Variants in CNTNAP2 observed in about 807,000 individuals in gnomAD.
CNTNAP2 encodes the protein contactin associated protein 2, also known as contactin-associated protein-like 2.
Under a neutral mutation model 155.2 loss-of-function variants are expected in CNTNAP2, and 98 were observed. That is an observed-to-expected ratio of 0.63 (90% CI 0.54 to 0.75). The LOEUF (loss-of-function observed/expected upper bound fraction) is 0.75, where lower values mean the gene tolerates loss of function less well. Ranked by LOEUF, CNTNAP2 falls within the 30% of genes least tolerant of loss-of-function variation. CNTNAP2 has a pLI of 0.00. For missense variants in CNTNAP2, 1,727 were observed against 1,688.1 expected (o/e 1.02, Z -0.40); for synonymous variants, 651 against 631.2 (o/e 1.03, Z -0.47).
At chr7:146,210,193 G>A (rs955108) in intron 1 of CNTNAP2, among the ~76,000 whole-genome samples, 44,172 of 151,838 alleles carry the variant, frequency 0.29, 7,271 homozygotes, top group African/African-American at 0.45. Flanking sequence ...AAGGTGCCCT[G>A]AAATTTGCTC....
At chr7:146,183,158 C>T (rs1404920950) in intron 1 of CNTNAP2, among the ~76,000 whole-genome samples, 3 of 152,038 alleles carry the variant, frequency 2.0e-5, no homozygotes, top group Non-Finnish European at 2.9e-5. Flanking sequence ...TAAATGTGTG[C>T]CATGTCCAGT....
At chr7:147,518,645 C>T (rs976604816) in intron 11 of CNTNAP2, among the ~76,000 whole-genome samples, 5 of 152,172 alleles carry the variant, frequency 3.3e-5, no homozygotes, top group African/African-American at 9.7e-5. Flanking sequence ...CAGCACTGAA[C>T]GAATGTAGCC....
intron 10 of CNTNAP2, among the ~76,000 whole-genome samples, chr7:147,418,744 T>G (rs1305632191): frequency 6.6e-6 from 1 of 152,218 alleles, no homozygotes; most frequent in Non-Finnish European, 1.5e-5. Context: ...TCAATACAGC[T>G]TATTCAAAGG....
At chr7:146,627,558 C>G (rs551611500) in intron 1 of CNTNAP2, among the ~76,000 whole-genome samples, 5 of 152,044 alleles carry the variant, frequency 3.3e-5, no homozygotes, top group African/African-American at 1.2e-4. Context: ...ATGTCTAGTT[C>G]TTCAAAAAGC....
chr7:146,844,116 T>C (rs1204366308), intron 3 of CNTNAP2, among the ~76,000 whole-genome samples: 1 of 152,102 alleles, frequency 6.6e-6, no homozygotes, highest in Non-Finnish European at 1.5e-5. Context: ...ATTTTATCAC[T>C]GTTGGATAAT....
At chr7:147,501,401 A>T (rs1175456175) in intron 11 of CNTNAP2, among the ~76,000 whole-genome samples, 1 of 152,160 alleles carries the variant, frequency 6.6e-6, no homozygotes, top group East Asian at 1.9e-4. Context: ...GGTAAGAAGA[A>T]GAAAAAAACA....
chr7:146,503,615 T>C (rs769523658), intron 1 of CNTNAP2, among the ~76,000 whole-genome samples: 1 of 152,226 alleles, frequency 6.6e-6, no homozygotes, highest in Non-Finnish European at 1.5e-5. Context: ...TTTTTGTATA[T>C]GGTGAGAGAA....
At chr7:147,167,646 G>A in intron 8 of CNTNAP2, 1 of 503,952 alleles carries the variant, frequency 2.0e-6, no homozygotes. Flanking sequence ...TATCAGCGGA[G>A]CAGGGTATGG....
intron 10 of CNTNAP2, among the ~76,000 whole-genome samples, chr7:147,439,853 T>A (rs182466064): frequency 6.6e-6 from 1 of 152,192 alleles, no homozygotes; most frequent in Admixed American, 6.5e-5. Flanking sequence ...TTCTTATAGT[T>A]TTAATCTTGA....
intron 1 of CNTNAP2, among the ~76,000 whole-genome samples, chr7:146,367,144 C>T (rs960525644): frequency 5.3e-5 from 8 of 152,102 alleles, no homozygotes; most frequent in Non-Finnish European, 8.8e-5. Flanking sequence ...CATGGTGATT[C>T]ATTGTTGATG....
intron 1 of CNTNAP2, among the ~76,000 whole-genome samples, chr7:146,445,231 T>A (rs540747329): frequency 2.4e-4 from 37 of 152,354 alleles, no homozygotes; most frequent in African/African-American, 7.9e-4. Flanking sequence ...TATTATGATT[T>A]TATTTTTTAT....
chr7:146,864,440 A>G (rs1795163299), intron 3 of CNTNAP2, among the ~76,000 whole-genome samples: 1 of 152,190 alleles, frequency 6.6e-6, no homozygotes, highest in South Asian at 2.1e-4. Context: ...CAAATTCATA[A>G]TGGTCAACTA....
intron 9 of CNTNAP2, among the ~76,000 whole-genome samples, chr7:147,303,220 T>C (rs1794975231): frequency 6.6e-6 from 1 of 152,258 alleles, no homozygotes; most frequent in Non-Finnish European, 1.5e-5. Context: ...TCACTACTGA[T>C]ATCTCCTTTC....
At chr7:147,902,814 A>ATGTGTGTGTGTGTGTGTGTATG (rs1799893813) in intron 13 of CNTNAP2, among the ~76,000 whole-genome samples, 1 of 127,400 alleles carries the variant, frequency 7.8e-6, no homozygotes, top group Admixed American at 8.4e-5. Flanking sequence ...GTGTGTGTGT[A>ATGTGTGTGTGTGTGTGTGTATG]TGTGTGTGTG....
chr7:147,097,766 A>C (rs951029839), intron 4 of CNTNAP2, among the ~76,000 whole-genome samples: 1 of 152,208 alleles, frequency 6.6e-6, no homozygotes, highest in African/African-American at 2.4e-5. Context: ...AGAAGTAACA[A>C]ACTAAGATTC....
At chr7:147,914,093 A>C (rs1800116487) in intron 14 of CNTNAP2, among the ~76,000 whole-genome samples, 2 of 152,168 alleles carry the variant, frequency 1.3e-5, no homozygotes, top group South Asian at 4.1e-4. Flanking sequence ...AGAAATGTCC[A>C]TGAATAGAGT....
At chr7:148,249,869 C>T (rs888870948) in intron 20 of CNTNAP2, among the ~76,000 whole-genome samples, 1 of 152,226 alleles carries the variant, frequency 6.6e-6, no homozygotes, top group Middle Eastern at 3.2e-3. Context: ...CTCCAGACTC[C>T]ATCCTGTTCT....
Position 147,163,030 on chromosome 7 carries a change from A to T in CNTNAP2, c.1348+30521A>T, listed in dbSNP as rs146181033. 1.4e-3 allele frequency among the ~76,000 whole-genome samples: 210 copies of T among 152,140 alleles called. 2 individuals carry two copies. The highest frequency in any genetic ancestry group is 8.7e-3 in the South Asian group (42 of 4,816). Reference sequence around the variant, plus strand: ...CATGCAGTGCCCTAGGCCAAATCTCACAAGTGTGAGCCTCTGTCATGAAAA... The same window carrying T: ...CATGCAGTGCCCTAGGCCAAATCTCTCAAGTGTGAGCCTCTGTCATGAAAA... On this transcript the variant is annotated intron_variant, in intron 8 of 23. Coordinates refer to ENST00000361727, the MANE Select transcript of CNTNAP2 (RefSeq NM_014141.6).
intron 12 of CNTNAP2, among the ~76,000 whole-genome samples, chr7:147,609,704 G>C (rs1801145934): frequency 6.6e-6 from 1 of 152,030 alleles, no homozygotes; most frequent in Non-Finnish European, 1.5e-5. Context: ...TGATGAGTGA[G>C]TGTACGAAAT....
Sources: gnomAD v4.1 joint callset for allele counts (sites outside exome capture counted in the v4.1 genomes callset) on GRCh38, gnomAD v4.1.1 for gene constraint, MANE v1.5 for transcripts, NCBI Gene and HGNC (gene_info 2026-07-23, HGNC 2026-07-21) for gene names.